SPAG6: variants seen among roughly 807,000 people sequenced by gnomAD.
The protein encoded by SPAG6 is sperm associated antigen 6, also known as sperm-associated antigen 6.
Under a neutral mutation model 58.5 loss-of-function variants are expected in SPAG6, and 49 were observed. That is an observed-to-expected ratio of 0.84 (90% CI 0.67 to 1.06). The LOEUF (loss-of-function observed/expected upper bound fraction) is 1.06, where lower values mean the gene tolerates loss of function less well. Ranked by LOEUF, SPAG6 falls within the 50% of genes least tolerant of loss-of-function variation. SPAG6 has a pLI of 0.00. For missense variants in SPAG6, 560 were observed against 611.3 expected (o/e 0.92, Z 0.89); for synonymous variants, 233 against 225.6 (o/e 1.03, Z -0.29).
chr10:22,366,270 C>G (rs1215532205), intron 3 of SPAG6, among the ~76,000 whole-genome samples: 2 of 151,970 alleles, frequency 1.3e-5, no homozygotes, highest in Non-Finnish European at 2.9e-5. Flanking sequence ...CATGGATGAC[C>G]CATAAAAACA....
At chr10:22,350,251 A>G (rs1836682803) in intron 2 of SPAG6, among the ~76,000 whole-genome samples, 1 of 152,186 alleles carries the variant, frequency 6.6e-6, no homozygotes, top group Non-Finnish European at 1.5e-5. Context: ...GGAGCTATAC[A>G]CATTCTGTCT....
chr10:22,350,279 A>G (rs982691309), intron 2 of SPAG6, among the ~76,000 whole-genome samples: 1 of 152,012 alleles, frequency 6.6e-6, no homozygotes, highest in Non-Finnish European at 1.5e-5. Context: ...TGCACCAAAC[A>G]ATAAGTTCTA....
chr10:22,354,250 G>A (rs968562707), intron 2 of SPAG6, among the ~76,000 whole-genome samples: 3 of 152,180 alleles, frequency 2.0e-5, no homozygotes, highest in African/African-American at 4.8e-5. Context: ...GATAAGAAAT[G>A]TTAAAGGGGT....
At chr10:22,366,431 T>A (rs1837204328) in intron 3 of SPAG6, among the ~76,000 whole-genome samples, 1 of 152,152 alleles carries the variant, frequency 6.6e-6, no homozygotes, top group African/African-American at 2.4e-5. Flanking sequence ...TTGACTGCTT[T>A]ATTTGTAAGA....
chr10:22,346,494 TTCTTTCTTCTTCTTCTTCC>T (rs1564357367), intron 2 of SPAG6, among the ~76,000 whole-genome samples: 3 of 134,118 alleles, frequency 2.2e-5, no homozygotes, highest in African/African-American at 1.0e-4. Flanking sequence ...CTTCTTCTTC[TTCTTTCTTCTTCTTCTTCC>T]TCTTCTTCTT....
At chr10:22,407,685 G>C (rs1353698773) in intron 9 of SPAG6, among the ~76,000 whole-genome samples, 1 of 152,128 alleles carries the variant, frequency 6.6e-6, no homozygotes, top group Non-Finnish European at 1.5e-5. Context: ...ATGTTGGCCT[G>C]CCTTGCTAGA....
intron 10 of SPAG6, chr10:22,412,437 T>A: frequency 6.7e-7 from 1 of 1,496,948 alleles, no homozygotes; most frequent in Non-Finnish European, 9.0e-7. Context: ...CCACATATTT[T>A]TACCCAGTAA....
intron 3 of SPAG6, 133 bp from the exon 4 acceptor site, chr10:22,368,362 T>C (rs1193001007): frequency 3.1e-6 from 2 of 641,052 alleles, no homozygotes; most frequent in African/African-American, 1.8e-5. Flanking sequence ...CAGGATGTTT[T>C]TCATCTTTTA....
At chr10:22,398,907 C>G (rs1834352063) in intron 8 of SPAG6, among the ~76,000 whole-genome samples, 1 of 152,152 alleles carries the variant, frequency 6.6e-6, no homozygotes, top group Non-Finnish European at 1.5e-5. Flanking sequence ...CAACCTCCGC[C>G]TCCTGGGTTC....
At chr10:22,379,446 C>A (rs1833901016) in intron 4 of SPAG6, among the ~76,000 whole-genome samples, 1 of 152,162 alleles carries the variant, frequency 6.6e-6, no homozygotes, top group South Asian at 2.1e-4. Flanking sequence ...TGAGTCTTCT[C>A]TTTTGAATCA....
Position 22,411,100 on chromosome 10 carries a change from A to C in SPAG6, c.1384A>C (p.Ile462Leu), listed in dbSNP as rs1049110900. 6.2e-7 allele frequency: 1 copy of C among 1,614,016 alleles called. No individual in the cohort carries two copies. Among genetic ancestry groups the C allele is most frequent in the Non-Finnish European group, 8.5e-7 (1 of 1,179,976 alleles). ...TGGTGGCCTTAAAAAAGTTCAAGAG[A>C]TAAAAGCAGAACCTGGTTCTCTCCT... ...TSGGLKKVQE[I>L]KAEPGSLLQE... is the part of the protein sequence containing the mutation. Residue 462 changes from isoleucine to leucine, a missense_variant, in exon 10 of 11, where the codon ATA becomes CTA. Ile to Leu is a conservative substitution (Grantham distance 5). Transcript: ENST00000376624.
chr10:22,351,958 G>A (rs1211292671), intron 2 of SPAG6, among the ~76,000 whole-genome samples: 3 of 152,084 alleles, frequency 2.0e-5, no homozygotes, highest in Non-Finnish European at 2.9e-5. Context: ...GAATCACGAG[G>A]TCAGGAGATT....
intron 4 of SPAG6, among the ~76,000 whole-genome samples, chr10:22,381,996 C>T (rs573497972): frequency 4.6e-5 from 7 of 152,242 alleles, no homozygotes; most frequent in African/African-American, 1.7e-4. Context: ...TAGGAAAAAA[C>T]CAAACAAACC....
chr10:22,391,970 T>C (rs1413974300), intron 8 of SPAG6, 50 bp downstream of exon 8: 7 of 1,233,382 alleles, frequency 5.7e-6, no homozygotes, highest in African/African-American at 3.0e-5. Flanking sequence ...TTAAAAAATA[T>C]GTCATTTCAA....
intron 5 of SPAG6, among the ~76,000 whole-genome samples, chr10:22,387,532 G>A (rs1403241563): frequency 6.6e-6 from 1 of 152,036 alleles, no homozygotes; most frequent in Admixed American, 6.6e-5. Context: ...TTTCAGTGTT[G>A]CATAATTAAG....
In SPAG6 at chr10:22,378,343, C is replaced by T. The variant is rs373383053; in HGVS notation, c.473-8411C>T. ...CCTCCCTAAGTTCTGGGATTACAGGCGTGAGCCAGTGCGTCTGGCCATGAG... is the reference window on the plus strand; with the variant it reads ...CCTCCCTAAGTTCTGGGATTACAGGTGTGAGCCAGTGCGTCTGGCCATGAG... On this transcript the variant is annotated intron_variant, in intron 4 of 10. Transcript: ENST00000376624. 1.1e-4 allele frequency among the ~76,000 whole-genome samples: 17 copies of T among 151,356 alleles called. No individual in the cohort carries two copies. In the South Asian group the frequency reaches 3.1e-3, roughly 28 times the overall value.
In SPAG6 at chr10:22,386,880, A is replaced by C. The variant is rs537575942; in HGVS notation, c.599A>C (p.Glu200Ala). 1.2e-6 allele frequency: 2 copies of C among 1,613,894 alleles called. No individual in the cohort carries two copies. The highest frequency in any genetic ancestry group is 2.2e-5 in the South Asian group (2 of 91,084). ...ALSDIAKHSPELAQTVVDAGA... is the reference protein window; with the variant it reads ...ALSDIAKHSPALAQTVVDAGA... ...AGTGATATTGCAAAGCATTCTCCAG[A>C]GTTAGCACAGACAGTAGTGGATGCA... Residue 200 changes from glutamate (E) to alanine (A), a missense_variant, in exon 5 of 11, where the codon GAG becomes GCG. Physicochemically the swap from Glu to Ala is moderately radical, Grantham distance 107. Coordinates refer to ENST00000376624, the MANE Select transcript of SPAG6 (RefSeq NM_012443.4).
At chr10:22,364,806 T>A in intron 2 of SPAG6, 47 bp from the exon 3 acceptor site, 1 of 1,494,532 alleles carries the variant, frequency 6.7e-7, no homozygotes, top group Non-Finnish European at 9.2e-7. Context: ...ATTTTTGCTT[T>A]TTAATTTAAA....
intron 4 of SPAG6, among the ~76,000 whole-genome samples, chr10:22,378,800 T>C (rs1833883123): frequency 6.6e-6 from 1 of 152,212 alleles, no homozygotes; most frequent in African/African-American, 2.4e-5. Flanking sequence ...TTCTTGACTT[T>C]TTCTTACCAT....
Sources: allele counts gnomAD v4.1 joint callset (sites outside exome capture counted in the v4.1 genomes callset), GRCh38; gene constraint gnomAD v4.1.1; transcripts MANE v1.5; gene names NCBI Gene and HGNC (gene_info 2026-07-23, HGNC 2026-07-21).